Variants in ABCA13 observed in about 807,000 individuals in gnomAD.
ABCA13 encodes ATP-binding cassette sub-family A member 13.
A neutral mutation model predicts 478.7 loss-of-function variants in ABCA13; 476 were observed. The observed-to-expected ratio is 0.99, with a 90% CI of 0.92 to 1.07. The LOEUF is 1.07. Among genes scored for constraint, ABCA13 ranks in the 50% least tolerant of loss-of-function variants. The probability of loss-of-function intolerance (pLI) is 0.00; values close to 1 mark genes in which losing one functional copy is unlikely to be tolerated. For synonymous variants in ABCA13, 2,252 were observed against 2,158.9 expected (o/e 1.04, Z -1.20); for missense variants, 6,060 against 5,910.6 (o/e 1.03, Z -0.83).
At chr7:48,219,736 T>C (rs535907739) in intron 4 of ABCA13, among the ~76,000 whole-genome samples, 135 of 152,304 alleles carry the variant, frequency 8.9e-4, no homozygotes, top group Non-Finnish European at 1.1e-3. Context: ...ACACACTGCA[T>C]AACCTTCAGA....
chr7:48,482,659 G>T (rs546253613), intron 46 of ABCA13, among the ~76,000 whole-genome samples: 2 of 152,222 alleles, frequency 1.3e-5, no homozygotes, highest in East Asian at 1.9e-4. Flanking sequence ...CTCCCAACGT[G>T]CTGGGATTAC....
chr7:48,227,517 T>C (rs1788407117), intron 6 of ABCA13, 92 bp downstream of exon 6: 1 of 1,439,656 alleles, frequency 6.9e-7, no homozygotes, highest in Non-Finnish European at 9.4e-7. Flanking sequence ...AATTGTTGGA[T>C]TTAAAAAAAC....
chr7:48,625,092 G>A (rs1793536521), intron 59 of ABCA13, among the ~76,000 whole-genome samples: 1 of 151,980 alleles, frequency 6.6e-6, no homozygotes, highest in Non-Finnish European at 1.5e-5. Context: ...TTTGTTTGTG[G>A]ATTTTTTTCC....
intron 38 of ABCA13, among the ~76,000 whole-genome samples, chr7:48,395,142 G>T (rs1199970574): frequency 1.3e-5 from 2 of 152,216 alleles, no homozygotes; most frequent in African/African-American, 2.4e-5. Flanking sequence ...TTTAGGTTTT[G>T]TTCCTTAGGC....
intron 43 of ABCA13, among the ~76,000 whole-genome samples, chr7:48,458,741 C>T (rs1214116016): frequency 6.6e-6 from 1 of 152,164 alleles, no homozygotes; most frequent in Non-Finnish European, 1.5e-5. Flanking sequence ...GAACAGATGA[C>T]ACCCCCACAG....
intron 55 of ABCA13, among the ~76,000 whole-genome samples, chr7:48,567,228 C>A (rs1374046012): frequency 6.6e-6 from 1 of 152,074 alleles, no homozygotes; most frequent in Non-Finnish European, 1.5e-5. Context: ...GCAGAAAGAC[C>A]TTTTCCATTG....
intron 40 of ABCA13, among the ~76,000 whole-genome samples, chr7:48,411,291 C>CTCTTTTCTT (rs1554500144): frequency 5.4e-5 from 5 of 92,892 alleles, no homozygotes; most frequent in African/African-American, 1.2e-4. Flanking sequence ...TCCTTCCTTC[C>CTCTTTTCTT]TTCTTTTCTT....
intron 55 of ABCA13, among the ~76,000 whole-genome samples, chr7:48,557,129 C>CT (rs1785916278): frequency 1.3e-5 from 2 of 151,882 alleles, no homozygotes; most frequent in Non-Finnish European, 2.9e-5. Context: ...TTTTGTTTCT[C>CT]TTTAAGTTTT....
chr7:48,245,710 C>G (rs1403249726), intron 12 of ABCA13, 98 bp downstream of exon 12: 2 of 1,446,560 alleles, frequency 1.4e-6, no homozygotes, highest in Non-Finnish European at 1.9e-6. Context: ...ATTGTGCTAG[C>G]TAAAAAAGGG....
In ABCA13 at chr7:48,193,056, A is replaced by G; in HGVS notation, c.163+4A>G. On this transcript the variant is annotated splice_donor_region_variant and intron_variant, in intron 2 of 61. Transcript: ENST00000435803. ...CCTCCCAGATACAGAGACATTTGTA[A>G]GTTTCACTTTTTAATATACTTTTTG... The G allele has an allele frequency of 6.6e-7, 1 of 1,524,102 alleles. No homozygotes were observed. Among genetic ancestry groups the G allele is most frequent in the Non-Finnish European group, 8.8e-7 (1 of 1,140,510 alleles). The allele number at this position is 1,524,102 out of a possible 1,614,324, so 94.4% of individuals were successfully genotyped here. A position where few individuals can be genotyped will look rare whatever the true frequency, so the allele number is the denominator to read the frequency against.
Position 48,204,385 on chromosome 7 carries a change from ATTTTTAGTAAAGAGGGGGT to A in ABCA13, c.287+6028_287+6046del, listed in dbSNP as rs371206370. 7.3e-4 allele frequency among the ~76,000 whole-genome samples: 110 copies of A among 151,624 alleles called. No individual in the cohort carries two copies. The South Asian group carries it at 0.018, about 24-fold the overall frequency. Reference sequence around the variant, plus strand: ...CCACCATGCCCAGCTAATTTTTTGTATTTTTAGTAAAGAGGGGGTTTCACCATGTTGGCCAGGCTGGTCT... The same window carrying A: ...CCACCATGCCCAGCTAATTTTTTGTATTCACCATGTTGGCCAGGCTGGTCT... On this transcript the variant is annotated intron_variant, in intron 3 of 61. Coordinates refer to ENST00000435803, the MANE Select transcript of ABCA13 (RefSeq NM_152701.5).
intron 15 of ABCA13, among the ~76,000 whole-genome samples, chr7:48,251,171 T>G (rs987400928): frequency 6.6e-6 from 1 of 152,118 alleles, no homozygotes; most frequent in Non-Finnish European, 1.5e-5. Context: ...TTGGCCATGT[T>G]CTTCTGGGTT....
In ABCA13 at chr7:48,213,214, T is replaced by A. The variant is rs574812215; in HGVS notation, c.288-6140T>A. 2.6e-5 allele frequency among the ~76,000 whole-genome samples: 4 copies of A among 152,324 alleles called. No individual in the cohort carries two copies. The East Asian group carries it at 7.7e-4, about 29-fold the overall frequency. On this transcript the variant is annotated intron_variant, in intron 3 of 61. Transcript: ENST00000435803. ...AATACATTGGGACCTTTGTTTAAAA[T>A]CAGTTGATTTGTTAATAGTATGAAG...
At chr7:48,252,568 G>A (rs183015186) in intron 15 of ABCA13, among the ~76,000 whole-genome samples, 6 of 152,204 alleles carry the variant, frequency 3.9e-5, no homozygotes, top group Non-Finnish European at 7.4e-5. Flanking sequence ...GTGTATTTAA[G>A]CCTATATAAC....
rs183577882 is a variant in ABCA13, at chr7:48,285,147, T to C, written c.8837-2813T>C. Among the ~76,000 whole-genome samples the C allele has an allele frequency of 3.3e-5, 5 of 151,278 alleles. No homozygotes were observed. The East Asian group carries it at 7.8e-4, about 24-fold the overall frequency. ...AATTGACGAATTGAGGCCCAGAGAG[T>C]GAGAGTGAGTTTCCCAGGGTTTCAG... On this transcript the variant is annotated intron_variant, in intron 19 of 61. Transcript: ENST00000435803.
chr7:48,520,378 A>C (rs1342700724), intron 53 of ABCA13, 84 bp downstream of exon 53: 2 of 1,424,792 alleles, frequency 1.4e-6, no homozygotes, highest in East Asian at 2.4e-5. Flanking sequence ...GAGGTTGTAA[A>C]ATAAAAATTA....
intron 14 of ABCA13, 135 bp downstream of exon 14, chr7:48,248,579 A>C: frequency 1.4e-6 from 1 of 740,216 alleles, no homozygotes; most frequent in Non-Finnish European, 2.0e-6. Flanking sequence ...TATTTTAAAA[A>C]TATTAACCTA....
intron 52 of ABCA13, among the ~76,000 whole-genome samples, chr7:48,519,812 C>A (rs771383697): frequency 6.6e-6 from 1 of 152,100 alleles, no homozygotes; most frequent in Non-Finnish European, 1.5e-5. Context: ...TAAAAATCAT[C>A]ACTGTTCTCA....
At position 48,211,008 on chromosome 7, in the gene ABCA13, T is replaced by C. The variant is rs531340763; in HGVS notation, c.288-8346T>C. On this transcript the variant is annotated intron_variant, in intron 3 of 61. Coordinates refer to ENST00000435803, the MANE Select transcript of ABCA13 (RefSeq NM_152701.5). ...GCTCTGTTAATATTTGCTTTTTATA[T>C]ATGGATGCTCCAGAGTTGGATGCAC... 7.9e-4 allele frequency among the ~76,000 whole-genome samples: 121 copies of C among 152,318 alleles called. 1 individual carries two copies. Among genetic ancestry groups the C allele is most frequent in the African/African-American group, 2.8e-3 (115 of 41,578 alleles).
Sources: gnomAD v4.1 joint callset for allele counts (sites outside exome capture counted in the v4.1 genomes callset) on GRCh38, gnomAD v4.1.1 for gene constraint, MANE v1.5 for transcripts, NCBI Gene and HGNC (gene_info 2026-07-23, HGNC 2026-07-21) for gene names.